LOC128462377: variants seen among roughly 807,000 people sequenced by gnomAD.
At chr16:89,364,247 A>T in the LOC128462377 span, among the ~76,000 whole-genome samples, 2 of 152,242 alleles carry the variant, frequency 1.3e-5, no homozygotes, top group African/African-American at 4.8e-5. Context: ...CTGAAGTATG[A>T]AATGGATTCA....
the LOC128462377 span, among the ~76,000 whole-genome samples, chr16:89,370,499 C>T: frequency 1.3e-5 from 2 of 152,202 alleles, no homozygotes; most frequent in African/African-American, 2.4e-5. Context: ...CAAATTCCCC[C>T]AACCAAGCAA....
At chr16:89,351,277 C>A in the LOC128462377 span, among the ~76,000 whole-genome samples, 357 of 152,252 alleles carry the variant, frequency 2.3e-3, 1 homozygote, top group African/African-American at 7.8e-3. Context: ...CGCCCACAGG[C>A]CGCCAAACAC....
chr16:89,343,245 G>A, the LOC128462377 span, among the ~76,000 whole-genome samples: 5 of 152,084 alleles, frequency 3.3e-5, no homozygotes, highest in East Asian at 3.9e-4. Flanking sequence ...CACCCAGCTC[G>A]GCCTCCCGAA....
chr16:89,396,456 G>A, the LOC128462377 span, among the ~76,000 whole-genome samples: 1 of 152,120 alleles, frequency 6.6e-6, no homozygotes, highest in Non-Finnish European at 1.5e-5. Context: ...CACCTGCTGG[G>A]TTTTGGTGTC....
chr16:89,402,748 G>T, the LOC128462377 span, among the ~76,000 whole-genome samples: 1 of 142,512 alleles, frequency 7.0e-6, no homozygotes, highest in African/African-American at 2.6e-5. Context: ...GAGATAGGGG[G>T]TATCTGCAGG....
At chr16:89,374,748 C>T in the LOC128462377 span, among the ~76,000 whole-genome samples, 1 of 152,186 alleles carries the variant, frequency 6.6e-6, no homozygotes, top group Admixed American at 6.5e-5. Context: ...AACATGCCAG[C>T]TGAAGAACTC....
chr16:89,338,334 G>A, the LOC128462377 span, among the ~76,000 whole-genome samples: 24 of 151,882 alleles, frequency 1.6e-4, no homozygotes, highest in Admixed American at 2.6e-4. Flanking sequence ...CTGCTTACAG[G>A]GGTGCTGACA....
the LOC128462377 span, among the ~76,000 whole-genome samples, chr16:89,393,529 C>CG: frequency 1.4e-5 from 2 of 139,956 alleles, no homozygotes; most frequent in East Asian, 4.2e-4. Flanking sequence ...TAAATAGAGA[C>CG]GGGGTTTCAC....
chr16:89,338,936 A>G, the LOC128462377 span, among the ~76,000 whole-genome samples: 1 of 152,194 alleles, frequency 6.6e-6, no homozygotes, highest in Non-Finnish European at 1.5e-5. Context: ...TGCGTAATTT[A>G]AACCCATAAT....
At chr16:89,373,827 G>A in the LOC128462377 span, among the ~76,000 whole-genome samples, 1 of 152,174 alleles carries the variant, frequency 6.6e-6, no homozygotes, top group African/African-American at 2.4e-5. Flanking sequence ...TTACAAGATT[G>A]GTAGAACCTT....
At chr16:89,356,724 T>C in the LOC128462377 span, among the ~76,000 whole-genome samples, 6 of 135,964 alleles carry the variant, frequency 4.4e-5, no homozygotes, top group Admixed American at 4.9e-4. Flanking sequence ...GAGCTTGCAG[T>C]GAGCCAAGAT....
At chr16:89,409,394 G>A in the LOC128462377 span, among the ~76,000 whole-genome samples, 1 of 152,210 alleles carries the variant, frequency 6.6e-6, no homozygotes, top group Non-Finnish European at 1.5e-5. Context: ...CCCATCCTCA[G>A]GCCATTCTTC....
the LOC128462377 span, among the ~76,000 whole-genome samples, chr16:89,384,711 T>C: frequency 1.3e-5 from 2 of 151,956 alleles, no homozygotes; most frequent in Non-Finnish European, 2.9e-5. Context: ...CTTCCCTCCT[T>C]TTACCTCAAT....
At chr16:89,318,072 G>A in the LOC128462377 span, among the ~76,000 whole-genome samples, 58 of 152,318 alleles carry the variant, frequency 3.8e-4, no homozygotes, top group African/African-American at 1.4e-3. Flanking sequence ...CAGGCAGTTG[G>A]GGGAGGCCTT....
the LOC128462377 span, among the ~76,000 whole-genome samples, chr16:89,384,580 C>T: frequency 9.2e-5 from 14 of 151,652 alleles, no homozygotes; most frequent in African/African-American, 2.2e-4. Context: ...TGGGACGGGA[C>T]GGGATGGGGC....
the LOC128462377 span, among the ~76,000 whole-genome samples, chr16:89,402,990 G>A: frequency 2.0e-5 from 3 of 152,184 alleles, no homozygotes. Context: ...TCTAGAGCAA[G>A]GCCAGTCACC....
the LOC128462377 span, among the ~76,000 whole-genome samples, chr16:89,367,423 CAG>C: frequency 6.6e-6 from 1 of 152,216 alleles, no homozygotes; most frequent in East Asian, 1.9e-4. Flanking sequence ...GCCGGCAACT[CAG>C]GGGAGAGACG....
the LOC128462377 span, among the ~76,000 whole-genome samples, chr16:89,416,586 CTGTG>C: frequency 1.3e-5 from 2 of 152,082 alleles, no homozygotes; most frequent in Non-Finnish European, 2.9e-5. Context: ...GCGTGAGCCA[CTGTG>C]CCTGGCCACT....
At chr16:89,407,928 T>TA in the LOC128462377 span, among the ~76,000 whole-genome samples, 1 of 151,732 alleles carries the variant, frequency 6.6e-6, no homozygotes, top group Admixed American at 6.6e-5. Flanking sequence ...AGTCTTCCAT[T>TA]AACTTCAAAA....
Sources: allele counts gnomAD v4.1 joint callset (sites outside exome capture counted in the v4.1 genomes callset), GRCh38; gene constraint gnomAD v4.1.1; transcripts MANE v1.5.